SLC22A23: variants seen among roughly 807,000 people sequenced by gnomAD.
SLC22A23 encodes ion transporter protein.
SLC22A23 carries 26 observed loss-of-function variants against 61.0 expected under a neutral mutation model. The ratio of observed to expected loss-of-function variants is 0.43; its 90% CI spans 0.31 to 0.59. The LOEUF (loss-of-function observed/expected upper bound fraction) is 0.59, where lower values mean the gene tolerates loss of function less well. SLC22A23 is among the 20% of genes least tolerant of loss of function. SLC22A23 has a pLI of 0.11. For missense variants in SLC22A23, 796 were observed against 934.7 expected, an observed-to-expected ratio of 0.85 and a Z score of 1.94; for synonymous variants, 430 against 413.9, an observed-to-expected ratio of 1.04 and a Z score of -0.47.
At chr6:3,384,005 C>T (rs1040722778) in intron 3 of SLC22A23, among the ~76,000 whole-genome samples, 5 of 152,156 alleles carry the variant, frequency 3.3e-5, no homozygotes, top group Admixed American at 1.3e-4. Context: ...GGGTTGAGAC[C>T]GGTGCCAGCT....
At chr6:3,395,470 G>A (rs1767947729) in intron 3 of SLC22A23, among the ~76,000 whole-genome samples, 2 of 152,192 alleles carry the variant, frequency 1.3e-5, no homozygotes, top group African/African-American at 2.4e-5. Context: ...AGGCAATAAC[G>A]AATGCTTCCA....
rs185923292 is a variant in SLC22A23, at chr6:3,312,866, G to C, written c.1082+10968C>G. 4 of 152,326 alleles carry C rather than the reference G, an allele frequency of 2.6e-5. No individual in the cohort carries two copies. The East Asian group carries it at 5.8e-4, about 22-fold the overall frequency. The allele number at this position is 152,326 out of a possible 1,614,324, so 9.4% of individuals were successfully genotyped here. On this transcript the variant is annotated intron_variant, in intron 4 of 9. Transcript: ENST00000406686. ...GTACATGTGCACACATGCACACACAGATGCATGCTGCCTGCGCTCTGCCTG... is the reference window on the plus strand; with the variant it reads ...GTACATGTGCACACATGCACACACACATGCATGCTGCCTGCGCTCTGCCTG...
rs1237883161 is a variant in SLC22A23 at position 3,407,276 on chromosome 6, C to T, written c.913+2912G>A. 2.0e-5 allele frequency among the ~76,000 whole-genome samples: 3 copies of T among 152,206 alleles called. No individual in the cohort carries two copies. In the East Asian group the frequency reaches 5.8e-4, roughly 29 times the overall value. On this transcript the variant is annotated intron_variant, in intron 3 of 9. Coordinates refer to ENST00000406686, the MANE Select transcript of SLC22A23 (RefSeq NM_015482.2). The stretch of plus-strand genomic sequence containing the variant: ...AACAAATTTCCAAGCATTACCTAGG[C>T]ATAAATACTACTGTGTATAAAATGC...
Position 3,287,102 on chromosome 6 carries a change from A to G in SLC22A23, c.1314-11T>C, listed in dbSNP as rs773003117. Reference sequence around the variant, plus strand: ...CCGTACCCCGTCAGCCTGTGGAGACATACCGAGCGGCAGTGGGTGGGCTGC... The same window carrying G: ...CCGTACCCCGTCAGCCTGTGGAGACGTACCGAGCGGCAGTGGGTGGGCTGC... On this transcript the variant is annotated splice_polypyrimidine_tract_variant and intron_variant, in intron 6 of 9. Coordinates refer to ENST00000406686, the MANE Select transcript of SLC22A23 (RefSeq NM_015482.2). 2 of 1,613,128 alleles carry G rather than the reference A, an allele frequency of 1.2e-6. No homozygotes were observed. The highest frequency in any genetic ancestry group is 1.1e-5 in the South Asian group (1 of 90,870).
At chr6:3,373,788 C>T (rs958733686) in intron 3 of SLC22A23, among the ~76,000 whole-genome samples, 4 of 152,118 alleles carry the variant, frequency 2.6e-5, no homozygotes, top group Admixed American at 1.3e-4. Context: ...ACACTGTGAT[C>T]GCTGCCCTTC....
At chr6:3,280,217 A>G (rs951085704) in intron 9 of SLC22A23, among the ~76,000 whole-genome samples, 6 of 152,166 alleles carry the variant, frequency 3.9e-5, no homozygotes, top group African/African-American at 7.2e-5. Flanking sequence ...ACCCCCGCCT[A>G]ACAAGGTGCC....
At position 3,333,863 on chromosome 6, in the gene SLC22A23, G is replaced by A. The variant is rs1729659746; in HGVS notation, c.914-9861C>T. Among the ~76,000 whole-genome samples, 1 of 152,234 alleles carries A rather than the reference G, an allele frequency of 6.6e-6. No homozygotes were observed. The highest frequency in any genetic ancestry group is 1.5e-5 in the Non-Finnish European group (1 of 68,054). On this transcript the variant is annotated intron_variant, in intron 3 of 9. Transcript: ENST00000406686. This position sits in a 1 kb window ranked among gnomAD's most constrained non-coding sequence, Gnocchi z 4.1. ...GCAATCTGTGTCAACAAGCTGTGCA[G>A]TAATTCTGATGCTGGCTCCAGCTGA...
At position 3,270,394 on chromosome 6, in the gene SLC22A23, T is replaced by TC. The variant is rs1168988272; in HGVS notation, c.*2660dup. The stretch of plus-strand genomic sequence containing the variant: ...CACCTTGCTCACTTGGTACCGGATT[T>TC]CCCGGGGCTGTGCCCACAGGGAAGT... On this transcript the variant is annotated 3_prime_UTR_variant, in exon 10 of 10. Coordinates refer to ENST00000406686, the MANE Select transcript of SLC22A23 (RefSeq NM_015482.2). 1 of 152,382 alleles carries TC rather than the reference T, an allele frequency of 6.6e-6. No individual in the cohort carries two copies. The highest frequency in any genetic ancestry group is 1.9e-4 in the East Asian group (1 of 5,326). The allele number at this position is 152,382 out of a possible 1,614,324, so 9.4% of individuals were successfully genotyped here.
chr6:3,326,470 T>C (rs887799169), intron 3 of SLC22A23, among the ~76,000 whole-genome samples: 1 of 152,094 alleles, frequency 6.6e-6, no homozygotes, highest in Non-Finnish European at 1.5e-5. Flanking sequence ...TGAGAAGCAC[T>C]GGCTCACCGC....
At chr6:3,278,134 TA>T (rs1759083916) in intron 9 of SLC22A23, among the ~76,000 whole-genome samples, 1 of 152,188 alleles carries the variant, frequency 6.6e-6, no homozygotes, top group Non-Finnish European at 1.5e-5. Flanking sequence ...CATAAGATAG[TA>T]GATGCATGCT....
rs1763139366 is a variant in SLC22A23 at position 3,324,155 on chromosome 6, G to C, written c.914-153C>G. The C allele has an allele frequency of 1.1e-6, 1 of 905,532 alleles. No homozygotes were observed. The highest frequency in any genetic ancestry group is 1.8e-5 in the South Asian group (1 of 56,862). 56.1% of individuals were successfully genotyped at this position (905,532 alleles called of 1,614,324 possible). The stretch of plus-strand genomic sequence containing the variant: ...CACAAGTGCCCTATGTGGTGTGCCA[G>C]TGTTTTACGGGCGCGTTGAGGCTCC... On this transcript the variant is annotated intron_variant, in intron 3 of 9. Transcript: ENST00000406686. The surrounding 1 kb of genome is among the most constrained non-coding windows in gnomAD (Gnocchi z 4.3).
intron 4 of SLC22A23, among the ~76,000 whole-genome samples, chr6:3,300,031 G>A (rs1416846064): frequency 1.2e-5 from 1 of 86,650 alleles, no homozygotes; most frequent in Non-Finnish European, 2.0e-5. Context: ...TTTTTTTTGA[G>A]ATGGAGTCTT....
chr6:3,391,956 C>G (rs1423802275), intron 3 of SLC22A23, among the ~76,000 whole-genome samples: 1 of 152,154 alleles, frequency 6.6e-6, no homozygotes, highest in Non-Finnish European at 1.5e-5. Flanking sequence ...TGGCTGGACA[C>G]AGTGCAAGAT....
intron 5 of SLC22A23, 70 bp from the exon 6 acceptor site, chr6:3,289,936 C>T: frequency 8.4e-7 from 1 of 1,194,918 alleles, no homozygotes; most frequent in East Asian, 2.4e-5. Flanking sequence ...GCTGCAGTCA[C>T]AGCCCTGGTT....
Position 3,272,982 on chromosome 6 carries a change from T to C in SLC22A23, c.*73A>G. The C allele has an allele frequency of 7.4e-7, 1 of 1,351,786 alleles. No individual in the cohort carries two copies. The highest frequency in any genetic ancestry group is 9.9e-7 in the Non-Finnish European group (1 of 1,005,434). 83.7% of individuals were successfully genotyped at this position (1,351,786 alleles called of 1,614,324 possible). A position where few individuals can be genotyped will look rare whatever the true frequency, so the allele number is the denominator to read the frequency against. ...GGCAGCTTTCCCACCCCTGGCTGCG[T>C]GTTCGGTCCCTGGTCTGTAAACCTG... On this transcript the variant is annotated 3_prime_UTR_variant, in exon 10 of 10. Transcript: ENST00000406686.
At chr6:3,346,827 T>C (rs1309536008) in intron 3 of SLC22A23, among the ~76,000 whole-genome samples, 3 of 152,170 alleles carry the variant, frequency 2.0e-5, no homozygotes, top group Non-Finnish European at 4.4e-5. Context: ...AATTCTAACC[T>C]AGGACCTGGC....
chr6:3,404,644 A>C (rs1581828942), intron 3 of SLC22A23, among the ~76,000 whole-genome samples: 1 of 152,112 alleles, frequency 6.6e-6, no homozygotes, highest in South Asian at 2.1e-4. Context: ...GCCCTGCCTA[A>C]CTGGCCACCA....
intron 1 of SLC22A23, among the ~76,000 whole-genome samples, chr6:3,437,906 C>A (rs2127547034): frequency 6.6e-6 from 1 of 151,876 alleles, no homozygotes; most frequent in East Asian, 2.0e-4. Context: ...TGCCACCACA[C>A]CCAGCTAATT....
chr6:3,301,983 G>GT (rs1257390511), intron 4 of SLC22A23, among the ~76,000 whole-genome samples: 1 of 152,194 alleles, frequency 6.6e-6, no homozygotes, highest in African/African-American at 2.4e-5. Context: ...CTTCTGTTTC[G>GT]TTTTTTTGGG....
Sources: gnomAD v4.1 joint callset for allele counts (sites outside exome capture counted in the v4.1 genomes callset) on GRCh38, gnomAD v4.1.1 for gene constraint, Gnocchi (gnomAD v3.1) non-coding constraint, MANE v1.5 for transcripts, NCBI Gene and HGNC (gene_info 2026-07-23, HGNC 2026-07-21) for gene names.